ADGRV1: variants seen among roughly 807,000 people sequenced by gnomAD.
ADGRV1 encodes the protein adhesion G protein-coupled receptor V1.
Under a neutral mutation model 596.2 loss-of-function variants are expected in ADGRV1, and 359 were observed. That is an observed-to-expected ratio of 0.60 (90% confidence interval 0.55 to 0.66). The LOEUF (loss-of-function observed/expected upper bound fraction) is 0.66. ADGRV1 is among the 30% of genes least tolerant of loss of function. The pLI, the probability that ADGRV1 is intolerant of heterozygous loss-of-function variation, is 0.00. For missense variants in ADGRV1, 7,274 were observed against 7,575.6 expected, an observed-to-expected ratio of 0.96 and a Z score of 1.48; for synonymous variants, 2,681 against 2,679.2, an observed-to-expected ratio of 1.00 and a Z score of -0.02.
intron 59 of ADGRV1, among the ~76,000 whole-genome samples, chr5:90,764,069 G>A (rs1405164739): frequency 6.6e-6 from 1 of 152,140 alleles, no homozygotes; most frequent in Non-Finnish European, 1.5e-5. Context: ...AATGTATTGG[G>A]GTCTCTTGGG....
intron 61 of ADGRV1, among the ~76,000 whole-genome samples, chr5:90,777,123 C>T (rs13161278): frequency 6.6e-6 from 1 of 152,114 alleles, no homozygotes; most frequent in East Asian, 1.9e-4. Context: ...GGGGAGGCCT[C>T]AGGAAACTTA....
intron 1 of ADGRV1, among the ~76,000 whole-genome samples, chr5:90,611,444 G>T (rs1471591113): frequency 6.6e-6 from 1 of 151,936 alleles, no homozygotes; most frequent in African/African-American, 2.4e-5. Context: ...TATAGTGGAA[G>T]AAAGAGTTTT....
chr5:91,036,599 G>A (rs942984551), intron 85 of ADGRV1, among the ~76,000 whole-genome samples: 3 of 151,388 alleles, frequency 2.0e-5, no homozygotes, highest in African/African-American at 4.8e-5. Context: ...GCGGGTGAGC[G>A]CCTGTAGTCC....
At chr5:91,075,447 A>G (rs1788767864) in intron 86 of ADGRV1, among the ~76,000 whole-genome samples, 1 of 152,208 alleles carries the variant, frequency 6.6e-6, no homozygotes, top group African/African-American at 2.4e-5. Context: ...GATATAGTAG[A>G]TAAAACAGTA....
intron 85 of ADGRV1, among the ~76,000 whole-genome samples, chr5:91,023,904 C>A (rs1180062449): frequency 3.9e-5 from 6 of 152,036 alleles, no homozygotes; most frequent in Admixed American, 3.9e-4. Flanking sequence ...TGTAACTGAA[C>A]CTCAGTTCTC....
intron 57 of ADGRV1, 110 bp from the exon 58 acceptor site, chr5:90,759,299 A>G (rs1756189324): frequency 1.2e-6 from 1 of 829,274 alleles, no homozygotes. Context: ...CAACTAAAAA[A>G]TTAAAATATA....
intron 83 of ADGRV1, among the ~76,000 whole-genome samples, chr5:90,878,124 C>T (rs1007607553): frequency 2.6e-5 from 4 of 152,088 alleles, no homozygotes; most frequent in Admixed American, 2.6e-4. Flanking sequence ...TTGGGAAAAA[C>T]AATATAAGCA....
intron 85 of ADGRV1, among the ~76,000 whole-genome samples, chr5:91,017,013 G>A (rs957819472): frequency 1.3e-5 from 2 of 151,866 alleles, no homozygotes; most frequent in Admixed American, 6.6e-5. Flanking sequence ...TGGGAGAACC[G>A]TTTATGAAAT....
chr5:90,708,038 A>G (rs1400093484), intron 38 of ADGRV1, among the ~76,000 whole-genome samples: 1 of 152,174 alleles, frequency 6.6e-6, no homozygotes, highest in East Asian at 1.9e-4. Flanking sequence ...TCACATGGAA[A>G]CATGACTCCA....
intron 70 of ADGRV1, among the ~76,000 whole-genome samples, chr5:90,796,408 C>T (rs1202257099): frequency 6.6e-6 from 1 of 150,458 alleles, no homozygotes; most frequent in Non-Finnish European, 1.5e-5. Context: ...TGAAGTAAAG[C>T]AAGAAGACGA....
rs564549614 is a variant in ADGRV1, at chr5:90,787,994, A to C, written c.13654-77A>C. The C allele has an allele frequency of 3.8e-5, 39 of 1,028,694 alleles. No homozygotes were observed. The South Asian group carries it at 9.3e-4, about 25-fold the overall frequency. 63.7% of individuals were successfully genotyped at this position (1,028,694 alleles called of 1,614,324 possible). A position where few individuals can be genotyped will look rare whatever the true frequency, so the allele number is the denominator to read the frequency against. On this transcript the variant is annotated intron_variant, in intron 67 of 89. Transcript: ENST00000405460. ...CTATATGTGTATATATTTTCTTAAT[A>C]CTAGATACCCTGAAATAGTTTTTTG...
chr5:90,865,976 CTA>C (rs1768053499), intron 83 of ADGRV1, among the ~76,000 whole-genome samples: 1 of 152,112 alleles, frequency 6.6e-6, no homozygotes, highest in South Asian at 2.1e-4. Flanking sequence ...TAAATCAACT[CTA>C]GAGAAGTCTT....
chr5:90,788,122 A>G lies in ADGRV1; in HGVS notation c.13705A>G (p.Asn4569Asp). ...PNSQEALLPQ[N>D]RDIADPVSGL... Reference sequence around the variant, plus strand: ...CTCTCAAGAAGCCTTACTGCCACAGAATAGAGACATTGCAGACCCAGTGAG... The same window carrying G: ...CTCTCAAGAAGCCTTACTGCCACAGGATAGAGACATTGCAGACCCAGTGAG... Residue 4569 changes from asparagine (N) to aspartate (D), a missense_variant, in exon 68 of 90, where the codon AAT becomes GAT. Around this residue, in one of 5 missense-constraint regions of ADGRV1, gnomAD observed 3,643 missense variants for 3,809.2 expected, o/e 0.96. Coordinates refer to ENST00000405460, the MANE Select transcript of ADGRV1 (RefSeq NM_032119.4). 6.2e-7 allele frequency: 1 copy of G among 1,613,704 alleles called. No individual in the cohort carries two copies. The highest frequency in any genetic ancestry group is 8.5e-7 in the Non-Finnish European group (1 of 1,179,652).
intron 83 of ADGRV1, among the ~76,000 whole-genome samples, chr5:90,930,708 C>T (rs1003572329): frequency 2.6e-5 from 4 of 152,130 alleles, no homozygotes; most frequent in African/African-American, 9.7e-5. Context: ...ATAATTTTTA[C>T]TGCCCTAATC....
chr5:90,875,688 G>T (rs76942418), intron 83 of ADGRV1, among the ~76,000 whole-genome samples: 8 of 152,204 alleles, frequency 5.3e-5, no homozygotes, highest in Non-Finnish European at 7.3e-5. Flanking sequence ...TCTGAAACTT[G>T]TGGTCACAGA....
rs114375231 is a variant in ADGRV1, at chr5:90,956,440, C to A, written c.17857-8975C>A. Reference sequence around the variant, plus strand: ...CATCAGTAAAGTAGTAGAATACAAACCTTAGTGTGCTATCTATGTAAAGAA... The same window carrying A: ...CATCAGTAAAGTAGTAGAATACAAAACTTAGTGTGCTATCTATGTAAAGAA... On this transcript the variant is annotated intron_variant, in intron 83 of 89. Coordinates refer to ENST00000405460, the MANE Select transcript of ADGRV1 (RefSeq NM_032119.4). Among the ~76,000 whole-genome samples, 254 of 152,252 alleles carry A rather than the reference C, an allele frequency of 1.7e-3. 2 individuals are homozygous for A. The highest frequency in any genetic ancestry group is 5.9e-3 in the African/African-American group (245 of 41,566).
rs1369045247 is a variant in ADGRV1 at position 90,644,706 on chromosome 5, C to A, written c.2735C>A (p.Ala912Asp). The change falls in exon 15 of 90, where the codon GCT (alanine) becomes GAT (aspartate). Residue 912 changes from alanine to aspartate, a missense_variant and splice_region_variant. Ala to Asp is a moderately radical substitution (Grantham distance 126). Transcript: ENST00000405460. ...NESKGDAIYS[A>D]VYDVVRNRGN... Reference sequence around the variant, plus strand: ...TATTATGTATGTTTCCATTTCACAGCTGTTTATGATGTAGTAAGAAATCGA... The same window carrying A: ...TATTATGTATGTTTCCATTTCACAGATGTTTATGATGTAGTAAGAAATCGA... The A allele has an allele frequency of 1.9e-6, 3 of 1,601,386 alleles. No individual in the cohort carries two copies. Among genetic ancestry groups the A allele is most frequent in the African/African-American group, 2.7e-5 (2 of 74,368 alleles).
chr5:90,922,911 C>T (rs1774018926), intron 83 of ADGRV1, among the ~76,000 whole-genome samples: 1 of 152,132 alleles, frequency 6.6e-6, no homozygotes, highest in Non-Finnish European at 1.5e-5. Context: ...GAAACTGTAT[C>T]TTGTTCAATG....
rs549157385 is a variant in ADGRV1 at position 90,631,912 on chromosome 5, T to A, written c.1839+2373T>A. On this transcript the variant is annotated intron_variant, in intron 9 of 89. Transcript: ENST00000405460. The stretch of plus-strand genomic sequence containing the variant: ...TTATACAAAAACATGACATAATTTG[T>A]TTGCTTTTAAAAATTGATTTTATTA... Among the ~76,000 whole-genome samples, 3 of 152,284 alleles carry A rather than the reference T, an allele frequency of 2.0e-5. No individual in the cohort carries two copies. The South Asian group carries it at 6.2e-4, about 32-fold the overall frequency.
Sources: gnomAD v4.1 joint callset for allele counts (sites outside exome capture counted in the v4.1 genomes callset) on GRCh38, gnomAD v4.1.1 for gene constraint, gnomAD v4.1.1 regional missense constraint, MANE v1.5 for transcripts, NCBI Gene and HGNC (gene_info 2026-07-23, HGNC 2026-07-21) for gene names.